The following FAM13A variants were observed in gnomAD, a reference collection of about 807,000 sequenced individuals.
FAM13A encodes family with sequence similarity 13 member A, also known as protein FAM13A.
FAM13A carries 76 observed loss-of-function variants against 129.6 expected under a neutral mutation model. The observed-to-expected ratio is 0.59, with a 90% CI of 0.49 to 0.71. FAM13A has a LOEUF of 0.71. Ranked by LOEUF, FAM13A falls within the 30% of genes least tolerant of loss-of-function variation. FAM13A has a pLI of 0.00. For synonymous variants in FAM13A, 443 were observed against 449.9 expected, an observed-to-expected ratio of 0.98 and a Z score of 0.20; for missense variants, 1,108 against 1,249.3, an observed-to-expected ratio of 0.89 and a Z score of 1.70.
chr4:88,800,926 A>C (rs1302862376), intron 8 of FAM13A, among the ~76,000 whole-genome samples: 1 of 152,098 alleles, frequency 6.6e-6, no homozygotes, highest in South Asian at 2.1e-4. Context: ...ACACTTCTCC[A>C]AAACTCTCCC....
chr4:88,993,665 G>A lies in FAM13A; in HGVS notation c.428-2515C>T, dbSNP rs115775167. ...ACAGCCAAACAATGGGAAGGGAGAC[G>A]GATGTATTTAGAGAGTTTCATGTTT... On this transcript the variant is annotated intron_variant, in intron 3 of 23. Transcript: ENST00000264344. Among the ~76,000 whole-genome samples the A allele has an allele frequency of 7.5e-3, 1,147 of 152,164 alleles. 18 individuals carry two copies. Among genetic ancestry groups the A allele is most frequent in the African/African-American group, 0.026 (1,096 of 41,532 alleles).
At chr4:88,818,776 G>T (rs1731303462) in intron 7 of FAM13A, among the ~76,000 whole-genome samples, 1 of 152,164 alleles carries the variant, frequency 6.6e-6, no homozygotes, top group Non-Finnish European at 1.5e-5. Context: ...AGTGCTACCA[G>T]AGTGCCAACA....
intron 3 of FAM13A, among the ~76,000 whole-genome samples, chr4:89,000,632 C>G (rs1256196862): frequency 6.6e-6 from 1 of 152,064 alleles, no homozygotes; most frequent in African/African-American, 2.4e-5. Flanking sequence ...GTGAATAGAT[C>G]AAAAACCACT....
chr4:88,736,818 A>G (rs1739073234), intron 21 of FAM13A, among the ~76,000 whole-genome samples: 1 of 152,136 alleles, frequency 6.6e-6, no homozygotes, highest in South Asian at 2.1e-4. Context: ...AAAAATCAGG[A>G]CATATGTTCT....
chr4:88,924,781 G>A (rs1415977371), intron 5 of FAM13A, among the ~76,000 whole-genome samples: 12 of 150,944 alleles, frequency 7.9e-5, no homozygotes, highest in African/African-American at 2.7e-4. Context: ...TACAAAATGG[G>A]AGAAAATTTT....
intron 5 of FAM13A, among the ~76,000 whole-genome samples, chr4:88,926,959 G>A (rs1017428693): frequency 6.6e-6 from 1 of 151,856 alleles, no homozygotes; most frequent in African/African-American, 2.4e-5. Flanking sequence ...GGCTTTTAGT[G>A]TGTGTACACA....
chr4:88,936,921 C>T (rs1407268504), intron 5 of FAM13A: 2 of 152,036 alleles, frequency 1.3e-5, no homozygotes, highest in African/African-American at 4.8e-5. Flanking sequence ...AAAAGAGATC[C>T]TTTTCAAAGT....
chr4:88,924,420 C>A (rs1338124871), intron 5 of FAM13A, among the ~76,000 whole-genome samples: 1 of 152,170 alleles, frequency 6.6e-6, no homozygotes, highest in East Asian at 1.9e-4. Context: ...ACTATCTGAT[C>A]TTTGACAAAC....
intron 20 of FAM13A, among the ~76,000 whole-genome samples, chr4:88,738,737 T>C (rs576162117): frequency 1.3e-5 from 2 of 152,294 alleles, no homozygotes; most frequent in East Asian, 3.9e-4. Context: ...TGGTGCTCCA[T>C]CTCTGACCCA....
At chr4:88,895,451 G>A (rs1031187750) in intron 6 of FAM13A, among the ~76,000 whole-genome samples, 10 of 150,380 alleles carry the variant, frequency 6.6e-5, no homozygotes, top group Admixed American at 2.7e-4. Context: ...CTTCTGTACA[G>A]CAAAAGAAAC....
chr4:88,918,765 C>T (rs957009286), intron 5 of FAM13A, among the ~76,000 whole-genome samples: 4 of 152,182 alleles, frequency 2.6e-5, no homozygotes, highest in East Asian at 3.8e-4. Context: ...GCAGTGGCAA[C>T]GCTTTGTGTA....
rs56710705 is a variant in FAM13A, at chr4:89,025,245, G to GT, written c.217+4214dup. Among the ~76,000 whole-genome samples, 231 of 61,352 alleles carry GT rather than the reference G, an allele frequency of 3.8e-3. 32 individuals carry two copies. The highest frequency in any genetic ancestry group is 7.8e-3 in the East Asian group (19 of 2,446). 40.2% of individuals were successfully genotyped at this position (61,352 alleles called of 152,430 possible). A position where few individuals can be genotyped will look rare whatever the true frequency, so the allele number is the denominator to read the frequency against. ...GCTAAAGGTTAACCATGGAATCATT[G>GT]TTTTTTTTTTTTTTTTTTTTTTTTT... On this transcript the variant is annotated intron_variant, in intron 2 of 23. Transcript: ENST00000264344.
intron 14 of FAM13A, among the ~76,000 whole-genome samples, chr4:88,758,543 G>A (rs1320389394): frequency 2.6e-5 from 4 of 152,040 alleles, no homozygotes; most frequent in African/African-American, 9.7e-5. Flanking sequence ...GGGCAAGCAT[G>A]TTTTCTTTCT....
At chr4:88,778,395 G>A (rs984563465) in intron 11 of FAM13A, among the ~76,000 whole-genome samples, 1 of 152,156 alleles carries the variant, frequency 6.6e-6, no homozygotes, top group Non-Finnish European at 1.5e-5. Flanking sequence ...CATTGAATCT[G>A]TCAGGTGATT....
intron 6 of FAM13A, chr4:88,855,876 G>A (rs965530341): frequency 6.6e-6 from 1 of 152,194 alleles, no homozygotes; most frequent in African/African-American, 2.4e-5. Context: ...TGTTCCACAG[G>A]AGAGTGTAGA....
chr4:88,749,694 GTTTC>G (rs1258232065), intron 16 of FAM13A, 73 bp downstream of exon 16: 6 of 1,503,546 alleles, frequency 4.0e-6, no homozygotes, highest in Admixed American at 1.8e-5. Context: ...ACCTTTCGTC[GTTTC>G]TTTGAGTTGC....
At chr4:88,889,024 T>TA (rs1429762129) in intron 6 of FAM13A, among the ~76,000 whole-genome samples, 1 of 150,952 alleles carries the variant, frequency 6.6e-6, no homozygotes, top group Non-Finnish European at 1.5e-5. Context: ...ACACTCCCTA[T>TA]ACCCACTCCC....
At chr4:88,800,541 C>T (rs985403535) in intron 8 of FAM13A, among the ~76,000 whole-genome samples, 4 of 151,672 alleles carry the variant, frequency 2.6e-5, no homozygotes, top group Non-Finnish European at 4.4e-5. Context: ...AAAAATTAGC[C>T]AGGTGTAGTG....
chr4:88,979,260 C>T (rs776712046), intron 4 of FAM13A, among the ~76,000 whole-genome samples: 5 of 152,218 alleles, frequency 3.3e-5, no homozygotes, highest in African/African-American at 4.8e-5. Context: ...ACAGCATGAA[C>T]TGGTGTGACC....
Sources: allele counts gnomAD v4.1 joint callset (sites outside exome capture counted in the v4.1 genomes callset), GRCh38; gene constraint gnomAD v4.1.1; transcripts MANE v1.5; gene names NCBI Gene and HGNC (gene_info 2026-07-23, HGNC 2026-07-21).